Variants in AP3B1 observed in about 807,000 individuals in gnomAD.
AP3B1 encodes the protein adaptor related protein complex 3 subunit beta 1.
Under a neutral mutation model 132.5 loss-of-function variants are expected in AP3B1, and 61 were observed. The observed-to-expected ratio is 0.46, with a 90% CI of 0.37 to 0.57. The LOEUF (loss-of-function observed/expected upper bound fraction) is 0.57, where lower values mean the gene tolerates loss of function less well. AP3B1 is among the 20% of genes least tolerant of loss of function. The probability of loss-of-function intolerance (pLI) is 0.00; values close to 1 mark genes in which losing one functional copy is unlikely to be tolerated. For synonymous variants in AP3B1, 388 were observed against 438.3 expected, an observed-to-expected ratio of 0.89 and a Z score of 1.43; for missense variants, 1,120 against 1,289.4, an observed-to-expected ratio of 0.87 and a Z score of 2.01.
At chr5:78,071,424 G>A (rs1749539440) in intron 22 of AP3B1, among the ~76,000 whole-genome samples, 1 of 152,148 alleles carries the variant, frequency 6.6e-6, no homozygotes. Context: ...ACGGGAGGAG[G>A]GGGAGTATCA....
chr5:78,271,837 G>A (rs1344423914), intron 1 of AP3B1, among the ~76,000 whole-genome samples: 2 of 152,124 alleles, frequency 1.3e-5, no homozygotes, highest in Non-Finnish European at 2.9e-5. Flanking sequence ...ATATAAAGAA[G>A]GCAATCAAAA....
intron 21 of AP3B1, among the ~76,000 whole-genome samples, chr5:78,097,216 ACCC>A (rs1201902636): frequency 1.7e-5 from 1 of 58,322 alleles, no homozygotes; most frequent in Non-Finnish European, 3.3e-5. Context: ...CCGGCCAGCC[ACCC>A]CGTCCGGGAG....
intron 3 of AP3B1, among the ~76,000 whole-genome samples, chr5:78,228,896 G>T (rs1479574145): frequency 1.3e-5 from 2 of 152,202 alleles, no homozygotes; most frequent in African/African-American, 4.8e-5. Context: ...AAAAATTCAA[G>T]AAGATTGGAT....
At chr5:78,165,273 T>C (rs183588363) in intron 12 of AP3B1, among the ~76,000 whole-genome samples, 1 of 152,188 alleles carries the variant, frequency 6.6e-6, no homozygotes, top group East Asian at 1.9e-4. Context: ...AGGTAAGAAA[T>C]GAAACCGTTT....
intron 21 of AP3B1, among the ~76,000 whole-genome samples, chr5:78,092,462 A>C (rs1015884142): frequency 5.9e-5 from 9 of 152,228 alleles, no homozygotes; most frequent in Admixed American, 1.3e-4. Flanking sequence ...GTAATGTGTA[A>C]AAACAAAGTG....
intron 11 of AP3B1, among the ~76,000 whole-genome samples, chr5:78,174,194 C>G (rs1744047134): frequency 6.6e-6 from 1 of 150,848 alleles, no homozygotes; most frequent in African/African-American, 2.4e-5. Flanking sequence ...GTCAACTCAT[C>G]AAAGTCATTC....
intron 2 of AP3B1, among the ~76,000 whole-genome samples, chr5:78,252,950 C>A (rs922220526): frequency 6.6e-6 from 1 of 152,208 alleles, no homozygotes; most frequent in Admixed American, 6.5e-5. Context: ...GGCTTCAGGT[C>A]TGACCCAGCA....
At chr5:78,212,049 G>A (rs114096424) in intron 7 of AP3B1, among the ~76,000 whole-genome samples, 2,145 of 152,292 alleles carry the variant, frequency 0.014, 56 homozygotes, top group African/African-American at 0.049. Context: ...GGAGGCTGCC[G>A]AGGGCAGATC....
Position 78,227,372 on chromosome 5 carries a change from C to A in AP3B1, c.536G>T (p.Ser179Ile). 6.2e-7 allele frequency: 1 copy of A among 1,612,998 alleles called. No homozygotes were observed. The highest frequency in any genetic ancestry group is 2.2e-5 in the East Asian group (1 of 44,762). The change falls in exon 5 of 27, where the codon AGC (serine) becomes ATC (isoleucine). Residue 179 changes from serine (S) to isoleucine (I), a missense_variant and splice_region_variant. By Grantham distance (142) the Ser-to-Ile change is moderately radical. Around this residue, in one of 3 missense-constraint regions of AP3B1, gnomAD observed 129 missense variants for 212.4 expected, o/e 0.61. Transcript: ENST00000255194. ...NAAHAIQKLYSLDPEQKEMLI... is the reference protein window; with the variant it reads ...NAAHAIQKLYILDPEQKEMLI... ...GGTATATTGTTAACAATGCACCTAC[C>A]TGTATAATTTTTGTATTGCATGGGC...
chr5:78,205,198 T>C (rs1310991958), intron 7 of AP3B1, among the ~76,000 whole-genome samples: 1 of 152,040 alleles, frequency 6.6e-6, no homozygotes, highest in East Asian at 1.9e-4. Context: ...TTATAAGAAA[T>C]GCAAAAATAA....
chr5:78,224,271 A>G (rs1431995739), intron 6 of AP3B1, among the ~76,000 whole-genome samples: 1 of 152,124 alleles, frequency 6.6e-6, no homozygotes, highest in Non-Finnish European at 1.5e-5. Context: ...GATTTCTGGT[A>G]CACTACAGAC....
At chr5:78,168,897 TTC>T (rs1743780408) in intron 11 of AP3B1, among the ~76,000 whole-genome samples, 5 of 152,246 alleles carry the variant, frequency 3.3e-5, no homozygotes, top group African/African-American at 1.2e-4. Flanking sequence ...CCTTGACATT[TTC>T]GCTAATTATA....
intron 17 of AP3B1, among the ~76,000 whole-genome samples, chr5:78,126,504 CAAAAAAAAAAAAAA>C (rs70997969): frequency 6.4e-5 from 4 of 62,398 alleles, no homozygotes; most frequent in Non-Finnish European, 8.5e-5. Flanking sequence ...GACTCTGTCT[CAAAAAAAAAAAAAA>C]AAAAAAAAAA....
intron 1 of AP3B1, among the ~76,000 whole-genome samples, chr5:78,279,476 T>A (rs1470125302): frequency 6.6e-6 from 1 of 151,834 alleles, no homozygotes; most frequent in African/African-American, 2.4e-5. Flanking sequence ...TAAAATCACA[T>A]GCCTTTTATG....
rs567245228 is a variant in AP3B1, at chr5:78,165,300, T to C, written c.1230+310A>G. Among the ~76,000 whole-genome samples the C allele has an allele frequency of 2.6e-4, 39 of 152,150 alleles. No homozygotes were observed. The South Asian group carries it at 7.9e-3, about 31-fold the overall frequency. ...AAACCGTTTTCATGACCACAGAATA[T>C]AGAAAGGACTATTGATGCTGGCAGC... On this transcript the variant is annotated intron_variant, in intron 12 of 26. Transcript: ENST00000255194.
intron 14 of AP3B1, among the ~76,000 whole-genome samples, chr5:78,144,915 C>T (rs979999342): frequency 1.3e-5 from 2 of 152,022 alleles, no homozygotes; most frequent in African/African-American, 2.4e-5. Context: ...CTCACTACAA[C>T]CTCAAACTCC....
chr5:78,143,472 T>C (rs1753240995), intron 14 of AP3B1, among the ~76,000 whole-genome samples: 1 of 152,084 alleles, frequency 6.6e-6, no homozygotes, highest in African/African-American at 2.4e-5. Context: ...CCACAAGAAA[T>C]AATATCAATA....
chr5:78,138,845 C>T (rs1040885764), intron 15 of AP3B1, among the ~76,000 whole-genome samples: 1 of 150,880 alleles, frequency 6.6e-6, no homozygotes, highest in Non-Finnish European at 1.5e-5. Context: ...TGGCACATGC[C>T]TGTAATCCCA....
intron 22 of AP3B1, among the ~76,000 whole-genome samples, chr5:78,063,776 C>T (rs151157374): frequency 2.2e-3 from 334 of 152,136 alleles, no homozygotes; most frequent in African/African-American, 7.9e-3. Flanking sequence ...TAGCAATCTA[C>T]GACACCTATA....
Sources: allele counts gnomAD v4.1 joint callset (sites outside exome capture counted in the v4.1 genomes callset), GRCh38; gene constraint gnomAD v4.1.1; regional missense constraint gnomAD v4.1.1; transcripts MANE v1.5; gene names NCBI Gene and HGNC (gene_info 2026-07-23, HGNC 2026-07-21).